The following AUTS2 variants were observed in gnomAD, a reference collection of about 807,000 sequenced individuals.
The protein encoded by AUTS2 is activator of transcription and developmental regulator AUTS2, also known as autism susceptibility gene 2 protein.
A neutral mutation model predicts 112.4 loss-of-function variants in AUTS2; 17 were observed. That is an observed-to-expected ratio of 0.15 (90% CI 0.10 to 0.23). The LOEUF (loss-of-function observed/expected upper bound fraction) is 0.23, where lower values mean the gene tolerates loss of function less well. AUTS2 is among the 10% of genes least tolerant of loss of function. The pLI, the probability that AUTS2 is intolerant of heterozygous loss-of-function variation, is 1.00. For synonymous variants in AUTS2, 751 were observed against 702.7 expected (o/e 1.07, Z -1.09); for missense variants, 1,510 against 1,701.6 (o/e 0.89, Z 1.98).
intron 4 of AUTS2, among the ~76,000 whole-genome samples, chr7:70,212,902 A>C (rs1324192200): frequency 6.6e-6 from 1 of 152,150 alleles, no homozygotes; most frequent in Non-Finnish European, 1.5e-5. Context: ...CATGTGTAAA[A>C]ATACATAGAT....
rs976751550 is a variant in AUTS2 at position 70,214,585 on chromosome 7, CT to C, written c.660+80015del. Among the ~76,000 whole-genome samples the C allele has an allele frequency of 1.3e-4, 20 of 152,158 alleles. 1 individual carries two copies. Among genetic ancestry groups the C allele is most frequent in the African/African-American group, 4.8e-4 (20 of 41,430 alleles). On this transcript the variant is annotated intron_variant, in intron 4 of 18. Coordinates refer to ENST00000342771, the MANE Select transcript of AUTS2 (RefSeq NM_015570.4). ...GCATCTCCCCTCACCCTTTCCATTA[CT>C]GAATGTGCACCCTGTTTGAATAATA...
chr7:69,932,496 T>C (rs541046894), intron 2 of AUTS2, among the ~76,000 whole-genome samples: 1 of 152,334 alleles, frequency 6.6e-6, no homozygotes, highest in Admixed American at 6.5e-5. Flanking sequence ...AATAGAAAGT[T>C]AATGTAGCTA....
rs1387637609 is a variant in AUTS2 at position 70,532,090 on chromosome 7, C to T, written c.690+96309C>T. On this transcript the variant is annotated intron_variant, in intron 5 of 18. Transcript: ENST00000342771. ...CATCTCTGCTCCATGTGGCTCTTAC[C>T]CTTCAGTAGGCTAACCCAGGCTTCA... is the stretch of plus-strand genomic sequence containing the variant. Among the ~76,000 whole-genome samples, 8 of 152,240 alleles carry T rather than the reference C, an allele frequency of 5.3e-5. No individual in the cohort carries two copies. In the East Asian group the frequency reaches 5.8e-4, roughly 11 times the overall value.
chr7:70,765,542 A>G (rs1173082959), intron 8 of AUTS2, among the ~76,000 whole-genome samples: 1 of 152,168 alleles, frequency 6.6e-6, no homozygotes, highest in Non-Finnish European at 1.5e-5. Flanking sequence ...TGTGTTAATC[A>G]GGTCAAGCGT....
intron 2 of AUTS2, among the ~76,000 whole-genome samples, chr7:69,943,534 T>C (rs775673604): frequency 3.9e-5 from 6 of 152,222 alleles, no homozygotes; most frequent in Non-Finnish European, 5.9e-5. Context: ...ACCTTAGTCA[T>C]ATTGATTCCT....
intron 4 of AUTS2, among the ~76,000 whole-genome samples, chr7:70,253,907 C>G (rs1251496088): frequency 2.0e-5 from 3 of 151,980 alleles, no homozygotes; most frequent in African/African-American, 7.3e-5. Flanking sequence ...AGATGTCTTA[C>G]CTGGGGTGGG....
At chr7:70,363,115 G>T (rs995690404) in intron 4 of AUTS2, among the ~76,000 whole-genome samples, 2 of 152,124 alleles carry the variant, frequency 1.3e-5, no homozygotes, top group African/African-American at 4.8e-5. Context: ...CCTGATATTT[G>T]TAAGTACAGT....
chr7:69,602,579 C>A (rs552671952), intron 1 of AUTS2, among the ~76,000 whole-genome samples: 33 of 152,270 alleles, frequency 2.2e-4, no homozygotes, highest in Non-Finnish European at 4.4e-4. Context: ...ATATTTCTCA[C>A]ACAGAAATAC....
At chr7:69,881,657 A>C (rs146653833) in intron 1 of AUTS2, among the ~76,000 whole-genome samples, 13 of 152,130 alleles carry the variant, frequency 8.5e-5, no homozygotes, top group Non-Finnish European at 1.2e-4. Flanking sequence ...CTCTCTTCCC[A>C]TGCCAAACTT....
chr7:70,629,974 T>C (rs1001513564), intron 5 of AUTS2, among the ~76,000 whole-genome samples: 8 of 152,220 alleles, frequency 5.3e-5, no homozygotes, highest in Non-Finnish European at 8.8e-5. Context: ...ATGCTAACTT[T>C]GTAATTACTG....
At chr7:70,656,851 C>T (rs1309205438) in intron 5 of AUTS2, among the ~76,000 whole-genome samples, 1 of 152,166 alleles carries the variant, frequency 6.6e-6, no homozygotes, top group Non-Finnish European at 1.5e-5. Context: ...CATTTCCTTC[C>T]CCATGAGCTG....
intron 1 of AUTS2, among the ~76,000 whole-genome samples, chr7:69,838,850 A>G (rs1791842493): frequency 6.6e-6 from 1 of 152,106 alleles, no homozygotes; most frequent in Admixed American, 6.6e-5. Context: ...TATTTTATTT[A>G]TTTTAATTTT....
chr7:70,410,377 T>C (rs1794720163), intron 4 of AUTS2, among the ~76,000 whole-genome samples: 1 of 151,876 alleles, frequency 6.6e-6, no homozygotes, highest in Admixed American at 6.6e-5. Context: ...TACAAAAGGC[T>C]CTGTCTTAGG....
intron 1 of AUTS2, among the ~76,000 whole-genome samples, chr7:69,843,929 A>G (rs1164477247): frequency 1.3e-5 from 2 of 152,194 alleles, no homozygotes; most frequent in Admixed American, 6.5e-5. Context: ...TGAGCGCTCA[A>G]TGCTGGGGAC....
intron 4 of AUTS2, among the ~76,000 whole-genome samples, chr7:70,303,434 G>GCGCACACACACACACACACACA (rs1241517255): frequency 2.5e-4 from 35 of 141,948 alleles, no homozygotes; most frequent in East Asian, 6.3e-4. Context: ...GCGCGCGCGC[G>GCGCACACACACACACACACACA]CACATACACA....
At chr7:70,431,631 G>A (rs575559780) in intron 4 of AUTS2, among the ~76,000 whole-genome samples, 32 of 152,036 alleles carry the variant, frequency 2.1e-4, no homozygotes, top group Non-Finnish European at 1.3e-4. Context: ...TGATCCACCC[G>A]CCTTCAGCCT....
chr7:70,756,458 C>T (rs1450317056), intron 6 of AUTS2, among the ~76,000 whole-genome samples: 1 of 152,124 alleles, frequency 6.6e-6, no homozygotes, highest in Admixed American at 6.6e-5. Flanking sequence ...TTTTATAGCG[C>T]ATTCATTTTT....
rs138920393 is a variant in AUTS2 at position 69,648,271 on chromosome 7, A to G, written c.309+48309A>G. On this transcript the variant is annotated intron_variant, in intron 1 of 18. Transcript: ENST00000342771. ...GTATAATGGTATATAAGTATGAGTG[A>G]TATACAGAAGAAAAATAAACCCAAA... Among the ~76,000 whole-genome samples the G allele has an allele frequency of 5.5e-3, 843 of 152,264 alleles. 4 individuals are homozygous for G. The highest frequency in any genetic ancestry group is 9.7e-3 in the Non-Finnish European group (657 of 68,018).
chr7:70,776,495 T>C (rs1293779842), intron 13 of AUTS2, among the ~76,000 whole-genome samples: 1 of 152,204 alleles, frequency 6.6e-6, no homozygotes, highest in African/African-American at 2.4e-5. Context: ...TTCTTCTCTT[T>C]GTTTCTTTCT....
Sources: gnomAD v4.1 joint callset for allele counts (sites outside exome capture counted in the v4.1 genomes callset) on GRCh38, gnomAD v4.1.1 for gene constraint, MANE v1.5 for transcripts, NCBI Gene and HGNC (gene_info 2026-07-23, HGNC 2026-07-21) for gene names.